Variants in GPC6 observed in about 807,000 individuals in gnomAD.
GPC6 encodes glypican-6.
In GPC6, 14 loss-of-function variants were observed where a neutral mutation model predicts 55.2. That is an observed-to-expected ratio of 0.25 (90% CI 0.17 to 0.40). The LOEUF (loss-of-function observed/expected upper bound fraction) is 0.40. GPC6 is among the 10% of genes least tolerant of loss of function. The pLI is 1.00. For synonymous variants in GPC6, 278 were observed against 259.6 expected (o/e 1.07, Z -0.68); for missense variants, 641 against 708.5 (o/e 0.90, Z 1.08).
intron 5 of GPC6, among the ~76,000 whole-genome samples, chr13:94,299,596 C>G (rs1332271841): frequency 6.6e-6 from 1 of 152,164 alleles, no homozygotes. Flanking sequence ...CCTTTTTGCC[C>G]TTCAGCCATA....
intron 4 of GPC6, among the ~76,000 whole-genome samples, chr13:94,265,489 A>G (rs1375721238): frequency 2.0e-5 from 3 of 152,118 alleles, no homozygotes; most frequent in Non-Finnish European, 4.4e-5. Flanking sequence ...CACCCAGATT[A>G]AGGGTGGATC....
intron 2 of GPC6, among the ~76,000 whole-genome samples, chr13:93,774,104 C>T (rs553344075): frequency 1.3e-5 from 2 of 152,276 alleles, no homozygotes; most frequent in East Asian, 1.9e-4. Context: ...TTAGAAAAGT[C>T]ACCACATTCA....
intron 4 of GPC6, among the ~76,000 whole-genome samples, chr13:94,151,605 C>A (rs1292911063): frequency 3.3e-5 from 5 of 152,156 alleles, no homozygotes; most frequent in African/African-American, 1.2e-4. Context: ...ATCCACCAAA[C>A]ACTGCAAGTC....
chr13:93,744,086 A>G (rs1884301916), intron 2 of GPC6, among the ~76,000 whole-genome samples: 1 of 152,144 alleles, frequency 6.6e-6, no homozygotes, highest in South Asian at 2.1e-4. Context: ...AATTCCTTTT[A>G]TACTGTGTTT....
chr13:94,331,936 T>C (rs1877446112), intron 6 of GPC6, among the ~76,000 whole-genome samples: 1 of 152,206 alleles, frequency 6.6e-6, no homozygotes, highest in South Asian at 2.1e-4. Flanking sequence ...CTCTCTTTTT[T>C]TCTTCTCGTC....
chr13:94,245,991 A>G (rs1891184289), intron 4 of GPC6, among the ~76,000 whole-genome samples: 1 of 152,106 alleles, frequency 6.6e-6, no homozygotes, highest in Admixed American at 6.6e-5. Flanking sequence ...ACAGTGGGCA[A>G]GGGTTTCCTT....
intron 3 of GPC6, among the ~76,000 whole-genome samples, chr13:93,906,298 C>T: frequency 6.6e-6 from 1 of 152,264 alleles, no homozygotes; most frequent in African/African-American, 2.4e-5. Context: ...GAGACCAGCC[C>T]TCACTGTAAT....
chr13:93,326,535 T>C (rs939292576), intron 1 of GPC6, among the ~76,000 whole-genome samples: 20 of 152,142 alleles, frequency 1.3e-4, no homozygotes, highest in Admixed American at 1.2e-3. Context: ...CGTTTACAGA[T>C]TGGGGAGTAG....
intron 2 of GPC6, among the ~76,000 whole-genome samples, chr13:93,701,840 A>G (rs758631505): frequency 3.3e-5 from 5 of 152,038 alleles, no homozygotes; most frequent in Non-Finnish European, 5.9e-5. Flanking sequence ...ATTCAGTTAC[A>G]TACTCAGCCT....
chr13:93,635,456 A>C (rs1879652757), intron 2 of GPC6, among the ~76,000 whole-genome samples: 1 of 152,186 alleles, frequency 6.6e-6, no homozygotes, highest in Admixed American at 6.5e-5. Flanking sequence ...GGATGTCAGA[A>C]GTCTATTGCA....
chr13:93,561,646 C>T (rs1875817341), intron 2 of GPC6, among the ~76,000 whole-genome samples: 2 of 151,956 alleles, frequency 1.3e-5, no homozygotes, highest in African/African-American at 4.8e-5. Context: ...GAAGCTAAGT[C>T]ATGCTGGGTG....
At chr13:93,735,172 C>T (rs532274760) in intron 2 of GPC6, among the ~76,000 whole-genome samples, 1 of 152,094 alleles carries the variant, frequency 6.6e-6, no homozygotes, top group Non-Finnish European at 1.5e-5. Context: ...AATAATAATT[C>T]AAGAAAACTC....
intron 4 of GPC6, among the ~76,000 whole-genome samples, chr13:94,284,228 C>G (rs1303483192): frequency 6.6e-6 from 1 of 152,146 alleles, no homozygotes; most frequent in Non-Finnish European, 1.5e-5. Context: ...ACTATGAGGC[C>G]TTTTCCAAGT....
Position 93,669,190 on chromosome 13 carries a change from CCATTTTTTT to C in GPC6, c.319+123779_319+123787del, listed in dbSNP as rs370477088. On this transcript the variant is annotated intron_variant, in intron 2 of 8. Transcript: ENST00000377047. ...TTGCCCCAGTGCCACCATAACAGGA[CCATTTTTTT>C]CATTTTTTTACTTCATGGAAAGAAA... Among the ~76,000 whole-genome samples the C allele has an allele frequency of 1.1e-3, 169 of 152,188 alleles. 1 individual carries two copies. In the South Asian group the frequency reaches 0.017, roughly 16 times the overall value.
intron 1 of GPC6, among the ~76,000 whole-genome samples, chr13:93,278,564 T>A (rs1877842084): frequency 6.6e-6 from 1 of 152,246 alleles, no homozygotes; most frequent in Admixed American, 6.5e-5. Flanking sequence ...TTTATCATTG[T>A]CATGTGGATC....
At chr13:93,393,454 T>C (rs541807143) in intron 1 of GPC6, among the ~76,000 whole-genome samples, 2 of 152,198 alleles carry the variant, frequency 1.3e-5, no homozygotes, top group Non-Finnish European at 2.9e-5. Context: ...AAATTTGCTA[T>C]AATTTTGTGA....
chr13:93,504,314 T>A (rs1053117498), intron 1 of GPC6, among the ~76,000 whole-genome samples: 6 of 152,092 alleles, frequency 3.9e-5, no homozygotes, highest in African/African-American at 1.4e-4. Flanking sequence ...CCTGATTAAA[T>A]ATGAGTTCCA....
chr13:93,405,409 T>G (rs2139237403), intron 1 of GPC6, among the ~76,000 whole-genome samples: 1 of 152,346 alleles, frequency 6.6e-6, no homozygotes, highest in Non-Finnish European at 1.5e-5. Context: ...TCTAGCTCAC[T>G]GCAGTATTAG....
At chr13:94,128,865 T>C (rs757049066) in intron 4 of GPC6, among the ~76,000 whole-genome samples, 1 of 152,176 alleles carries the variant, frequency 6.6e-6, no homozygotes, top group Admixed American at 6.5e-5. Context: ...GTTACTACCA[T>C]GATCATTTAT....
Sources: allele counts gnomAD v4.1 joint callset (sites outside exome capture counted in the v4.1 genomes callset), GRCh38; gene constraint gnomAD v4.1.1; transcripts MANE v1.5; gene names NCBI Gene and HGNC (gene_info 2026-07-23, HGNC 2026-07-21).